CNTNAP2: variants seen among roughly 807,000 people sequenced by gnomAD.
The protein encoded by CNTNAP2 is contactin associated protein 2.
Under a neutral mutation model 155.2 loss-of-function variants are expected in CNTNAP2, and 98 were observed. The ratio of observed to expected loss-of-function variants is 0.63; its 90% CI spans 0.54 to 0.75. CNTNAP2 has a LOEUF of 0.75. Ranked by LOEUF, CNTNAP2 falls within the 30% of genes least tolerant of loss-of-function variation. The probability of loss-of-function intolerance (pLI) is 0.00; values close to 1 mark genes in which losing one functional copy is unlikely to be tolerated. For synonymous variants in CNTNAP2, 651 were observed against 631.2 expected (o/e 1.03, Z -0.47); for missense variants, 1,727 against 1,688.1 (o/e 1.02, Z -0.40).
At chr7:146,242,366 C>T (rs961010581) in intron 1 of CNTNAP2, among the ~76,000 whole-genome samples, 1 of 151,906 alleles carries the variant, frequency 6.6e-6, no homozygotes, top group African/African-American at 2.4e-5. Context: ...GGTGAAACCC[C>T]GTCTCTACTA....
Position 148,187,584 on chromosome 7 carries a change from A to C in CNTNAP2, c.3010+15106A>C, listed in dbSNP as rs115818781. ...AACAATTTTTTAAAACTCGACATCT[A>C]TTTCTATGAGGAGCTAGGAGGGTGG... is the stretch of plus-strand genomic sequence containing the variant. On this transcript the variant is annotated intron_variant, in intron 18 of 23. Transcript: ENST00000361727. 5.0e-3 allele frequency among the ~76,000 whole-genome samples: 765 copies of C among 152,280 alleles called. 3 individuals are homozygous for C. The highest frequency in any genetic ancestry group is 0.017 in the African/African-American group (727 of 41,554).
At chr7:146,123,176 T>C (rs1797587604) in intron 1 of CNTNAP2, among the ~76,000 whole-genome samples, 1 of 152,166 alleles carries the variant, frequency 6.6e-6, no homozygotes, top group Non-Finnish European at 1.5e-5. Context: ...TGTAAAAATG[T>C]TGAAAAAATA....
chr7:148,013,553 T>C (rs1802120061), intron 15 of CNTNAP2, among the ~76,000 whole-genome samples: 4 of 152,324 alleles, frequency 2.6e-5, no homozygotes, highest in South Asian at 4.1e-4. Flanking sequence ...ATACAACACT[T>C]TCTTAAAAAT....
rs1171989665 is a variant in CNTNAP2, at chr7:147,636,100, T to C, written c.1898-3006T>C. Among the ~76,000 whole-genome samples, 4 of 152,178 alleles carry C rather than the reference T, an allele frequency of 2.6e-5. No individual in the cohort carries two copies. In the East Asian group the frequency reaches 5.8e-4, roughly 22 times the overall value. ...AGAAAGTGACAGAATTACTAAAATATGATGTGGCTTCTTTGCTTATCAGAA... is the reference window on the plus strand; with the variant it reads ...AGAAAGTGACAGAATTACTAAAATACGATGTGGCTTCTTTGCTTATCAGAA... On this transcript the variant is annotated intron_variant, in intron 12 of 23. Coordinates refer to ENST00000361727, the MANE Select transcript of CNTNAP2 (RefSeq NM_014141.6).
intron 21 of CNTNAP2, among the ~76,000 whole-genome samples, chr7:148,298,378 G>C (rs1191281167): frequency 6.6e-6 from 1 of 152,156 alleles, no homozygotes; most frequent in African/African-American, 2.4e-5. Context: ...ATGCTTCTAG[G>C]CTGGGGCAAC....
At chr7:146,742,154 C>G (rs562684964) in intron 1 of CNTNAP2, among the ~76,000 whole-genome samples, 7 of 150,088 alleles carry the variant, frequency 4.7e-5, no homozygotes, top group Admixed American at 1.3e-4. Flanking sequence ...CCTTTACTTT[C>G]ATGGTTTACT....
At chr7:147,877,900 C>A (rs1180197829) in intron 13 of CNTNAP2, among the ~76,000 whole-genome samples, 1 of 152,196 alleles carries the variant, frequency 6.6e-6, no homozygotes, top group African/African-American at 2.4e-5. Flanking sequence ...TGTTTGCTGG[C>A]TGCTCGAATA....
chr7:147,880,854 GGTGTGTGTGTGTGTGTGTGT>G (rs71183032), intron 13 of CNTNAP2, among the ~76,000 whole-genome samples: 1 of 143,088 alleles, frequency 7.0e-6, no homozygotes, highest in Admixed American at 7.0e-5. Context: ...ATTGGAGTTG[GGTGTGTGTGTGTGTGTGTGT>G]GTGTGTGTGT....
intron 4 of CNTNAP2, among the ~76,000 whole-genome samples, chr7:147,098,287 T>C (rs11770843): frequency 0.19 from 29,586 of 152,180 alleles, 3,931 homozygotes; most frequent in Non-Finnish European, 0.29. Context: ...GTCTTTAATC[T>C]TCCAATTCTC....
At chr7:147,910,436 A>G (rs2116762845) in intron 14 of CNTNAP2, among the ~76,000 whole-genome samples, 1 of 152,306 alleles carries the variant, frequency 6.6e-6, no homozygotes, top group South Asian at 2.1e-4. Flanking sequence ...CCACAAGGTC[A>G]TATAGTTAAA....
intron 1 of CNTNAP2, among the ~76,000 whole-genome samples, chr7:146,621,398 G>C (rs921327483): frequency 6.6e-6 from 1 of 151,982 alleles, no homozygotes; most frequent in African/African-American, 2.4e-5. Flanking sequence ...TTAGTCCTTG[G>C]CTTTCTTTTT....
Position 146,497,708 on chromosome 7 carries a change from A to G in CNTNAP2, c.98-276563A>G, listed in dbSNP as rs28497650. Among the ~76,000 whole-genome samples, 1,308 of 151,608 alleles carry G rather than the reference A, an allele frequency of 8.6e-3. 18 individuals carry two copies. The highest frequency in any genetic ancestry group is 0.03 in the African/African-American group (1,234 of 41,460). On this transcript the variant is annotated intron_variant, in intron 1 of 23. Transcript: ENST00000361727. Reference sequence around the variant, plus strand: ...GAATATTTTTTGATGTGATTTCTCAAGTTCTCCCTAAATGATTTTTTTATT... The same window carrying G: ...GAATATTTTTTGATGTGATTTCTCAGGTTCTCCCTAAATGATTTTTTTATT...
chr7:147,962,214 A>C (rs1801129999), intron 14 of CNTNAP2, among the ~76,000 whole-genome samples: 1 of 152,256 alleles, frequency 6.6e-6, no homozygotes. Flanking sequence ...TTCTATATGA[A>C]AATGATAACA....
intron 13 of CNTNAP2, among the ~76,000 whole-genome samples, chr7:147,692,453 T>C (rs1408250759): frequency 6.6e-6 from 1 of 152,114 alleles, no homozygotes; most frequent in Non-Finnish European, 1.5e-5. Flanking sequence ...AAAGTGGCCA[T>C]ACCATTTTGC....
chr7:147,834,298 G>A (rs1798600581), intron 13 of CNTNAP2, among the ~76,000 whole-genome samples: 1 of 152,098 alleles, frequency 6.6e-6, no homozygotes, highest in South Asian at 2.1e-4. Flanking sequence ...TTTAAAGCTA[G>A]GTGGAACAAA....
At chr7:146,934,062 A>G (rs1297515006) in intron 3 of CNTNAP2, among the ~76,000 whole-genome samples, 6 of 152,214 alleles carry the variant, frequency 3.9e-5, no homozygotes, top group African/African-American at 9.6e-5. Context: ...AACTAGAAAT[A>G]CCATTTGACC....
chr7:146,615,845 G>A (rs2082848354), intron 1 of CNTNAP2, among the ~76,000 whole-genome samples: 2 of 152,168 alleles, frequency 1.3e-5, no homozygotes, highest in South Asian at 4.1e-4. Context: ...GTGCTACGGT[G>A]GTAGTCTGCT....
intron 21 of CNTNAP2, among the ~76,000 whole-genome samples, chr7:148,270,373 A>T (rs902116761): frequency 1.3e-5 from 2 of 152,236 alleles, no homozygotes; most frequent in African/African-American, 4.8e-5. Context: ...GTACACATAA[A>T]TACCTGTAAG....
chr7:147,641,997 G>GGT (rs1216608708), intron 13 of CNTNAP2, among the ~76,000 whole-genome samples: 1,859 of 140,422 alleles, frequency 0.013, 39 homozygotes, highest in African/African-American at 0.046. Flanking sequence ...ACTTATCATA[G>GGT]GTGTGTGTGT....
Sources: allele counts gnomAD v4.1 joint callset (sites outside exome capture counted in the v4.1 genomes callset), GRCh38; gene constraint gnomAD v4.1.1; transcripts MANE v1.5; gene names NCBI Gene and HGNC (gene_info 2026-07-23, HGNC 2026-07-21).